FRMD4B: variants seen among roughly 807,000 people sequenced by gnomAD.
FRMD4B encodes FERM domain containing 4B.
Under a neutral mutation model 141.5 loss-of-function variants are expected in FRMD4B, and 74 were observed. The ratio of observed to expected loss-of-function variants is 0.52; its 90% CI spans 0.43 to 0.63. The LOEUF (loss-of-function observed/expected upper bound fraction) is 0.63. Ranked by LOEUF, FRMD4B falls within the 30% of genes least tolerant of loss-of-function variation. FRMD4B has a pLI of 0.00. For synonymous variants in FRMD4B, 506 were observed against 467.9 expected, an observed-to-expected ratio of 1.08 and a Z score of -1.05; for missense variants, 1,366 against 1,253.4, an observed-to-expected ratio of 1.09 and a Z score of -1.36.
intron 16 of FRMD4B, 129 bp downstream of exon 16, chr3:69,194,893 T>C (rs2092882471): frequency 1.0e-5 from 8 of 762,308 alleles, no homozygotes; most frequent in Non-Finnish European, 1.6e-5. Flanking sequence ...CAATTTGGTC[T>C]ACACGATCCA....
At chr3:69,238,007 C>T (rs921892370) in intron 7 of FRMD4B, among the ~76,000 whole-genome samples, 2 of 152,228 alleles carry the variant, frequency 1.3e-5, no homozygotes, top group African/African-American at 4.8e-5. Context: ...GCCAGGATTA[C>T]AGGCGTGAGC....
At chr3:69,418,612 G>A (rs1240705282) in intron 2 of FRMD4B, among the ~76,000 whole-genome samples, 1 of 152,204 alleles carries the variant, frequency 6.6e-6, no homozygotes, top group Non-Finnish European at 1.5e-5. Context: ...GGGGCCACAT[G>A]TCAGGGAACT....
chr3:69,245,236 G>C (rs1432109320), intron 7 of FRMD4B, among the ~76,000 whole-genome samples: 2 of 152,216 alleles, frequency 1.3e-5, no homozygotes, highest in East Asian at 3.9e-4. Context: ...GCTGGCATTT[G>C]AATCAGGCTG....
At chr3:69,201,154 T>C (rs1357768976) in intron 11 of FRMD4B, among the ~76,000 whole-genome samples, 4 of 127,696 alleles carry the variant, frequency 3.1e-5, no homozygotes, top group African/African-American at 1.2e-4. Flanking sequence ...CAGAGAGCAG[T>C]TCATTCCCCT....
intron 1 of FRMD4B, among the ~76,000 whole-genome samples, chr3:69,381,139 C>A (rs1357012872): frequency 1.3e-5 from 2 of 152,194 alleles, no homozygotes; most frequent in Non-Finnish European, 2.9e-5. Context: ...AGCCTCAATG[C>A]AGCCTGAGCC....
At chr3:69,397,485 A>G (rs897148716) in intron 2 of FRMD4B, among the ~76,000 whole-genome samples, 1 of 152,236 alleles carries the variant, frequency 6.6e-6, no homozygotes, top group East Asian at 1.9e-4. Context: ...GTATGTGAAT[A>G]AAAATCAATC....
rs1453115819 is a variant in FRMD4B, at chr3:69,195,116, T to A, written c.1394A>T (p.Glu465Val). ...CTTCTCGCCTATGTTCAGGGGATAC[T>A]CCTTTGGCATTTTGCCTGTGAGCTC... ...EAELTGKMPK[E>V]YPLNIGEKPP... is the part of the protein sequence containing the mutation. The change falls in exon 16 of 23, where the codon GAG becomes GTG. Residue 465 changes from glutamate (E) to valine (V), a missense_variant. Physicochemically the swap from Glu to Val is moderately radical, Grantham distance 121. Transcript: ENST00000398540. The A allele has an allele frequency of 7.4e-6, 12 of 1,613,844 alleles. No individual in the cohort carries two copies. Among genetic ancestry groups the A allele is most frequent in the Non-Finnish European group, 1.0e-5 (12 of 1,179,850 alleles).
chr3:69,202,249 T>C lies in FRMD4B; in HGVS notation c.877-3475A>G, dbSNP rs143409602. On this transcript the variant is annotated intron_variant, in intron 11 of 22. Coordinates refer to ENST00000398540, the MANE Select transcript of FRMD4B (RefSeq NM_015123.3). ...AGGGATTTCAGACCAATGGTCTGTA[T>C]TTGAGGAAAGAAATCAAAGTTTAAA... Among the ~76,000 whole-genome samples, 211 of 152,166 alleles carry C rather than the reference T, an allele frequency of 1.4e-3. 7 individuals carry two copies. The East Asian group carries it at 0.037, about 27-fold the overall frequency.
chr3:69,456,574 A>G (rs1381617181), intron 1 of FRMD4B, among the ~76,000 whole-genome samples: 1 of 152,098 alleles, frequency 6.6e-6, no homozygotes, highest in Admixed American at 6.5e-5. Context: ...AGCACTTACT[A>G]TGTTAATCGT....
intron 1 of FRMD4B, among the ~76,000 whole-genome samples, chr3:69,435,957 C>CA (rs1212508688): frequency 6.6e-6 from 1 of 152,010 alleles, no homozygotes; most frequent in Non-Finnish European, 1.5e-5. Context: ...ATTTATGGGC[C>CA]ATTTGTATAA....
intron 1 of FRMD4B, among the ~76,000 whole-genome samples, chr3:69,433,797 G>A (rs966526991): frequency 2.0e-5 from 3 of 152,152 alleles, no homozygotes; most frequent in African/African-American, 7.2e-5. Context: ...GGATAGTTAT[G>A]GTTTGGGTAG....
chr3:69,499,639 T>C (rs949988702), intron 1 of FRMD4B, among the ~76,000 whole-genome samples: 5 of 152,160 alleles, frequency 3.3e-5, no homozygotes, highest in Non-Finnish European at 7.4e-5. Flanking sequence ...TGGTGAGGAA[T>C]TCTCTCTACT....
rs997155394 is a variant in FRMD4B, at chr3:69,481,343, G to A, written c.-128-48582C>T. Among the ~76,000 whole-genome samples the A allele has an allele frequency of 5.3e-5, 8 of 152,094 alleles. No homozygotes were observed. In the East Asian group the frequency reaches 1.4e-3, roughly 26 times the overall value. The stretch of plus-strand genomic sequence containing the variant: ...CTGTAGACCGGAGCTGTTCCTATTC[G>A]GCCATCTTGGCACACTCCTCTTATA... On this transcript the variant is annotated intron_variant, in intron 1 of 5. Coordinates refer to the FRMD4B transcript ENST00000459638.
At chr3:69,187,451 A>C (rs2092780430) in intron 19 of FRMD4B, among the ~76,000 whole-genome samples, 1 of 150,970 alleles carries the variant, frequency 6.6e-6, no homozygotes, top group East Asian at 2.0e-4. Context: ...AGGCAGGAGA[A>C]TTGCTTGAAC....
chr3:69,292,325 G>A (rs1559783851), intron 4 of FRMD4B, among the ~76,000 whole-genome samples: 1 of 152,172 alleles, frequency 6.6e-6, no homozygotes, highest in African/African-American at 2.4e-5. Context: ...AAGGTAGGAA[G>A]GGCACTCAGG....
At chr3:69,529,568 C>A (rs928861486) in intron 1 of FRMD4B, among the ~76,000 whole-genome samples, 1 of 152,176 alleles carries the variant, frequency 6.6e-6, no homozygotes, top group African/African-American at 2.4e-5. Flanking sequence ...CTCTCCACAC[C>A]CATCCTCAAA....
chr3:69,512,016 C>T (rs1706697774), intron 1 of FRMD4B, among the ~76,000 whole-genome samples: 2 of 152,150 alleles, frequency 1.3e-5, no homozygotes, highest in South Asian at 4.1e-4. Flanking sequence ...ATGAACATTC[C>T]ACATACAGAA....
intron 1 of FRMD4B, among the ~76,000 whole-genome samples, chr3:69,479,370 T>C (rs369155085): frequency 2.0e-5 from 3 of 152,080 alleles, no homozygotes; most frequent in Non-Finnish European, 2.9e-5. Context: ...ATGTTTAGTG[T>C]TTCCTTCAGG....
chr3:69,480,651 G>A (rs1309913606), intron 1 of FRMD4B, among the ~76,000 whole-genome samples: 1 of 152,190 alleles, frequency 6.6e-6, no homozygotes, highest in East Asian at 1.9e-4. Flanking sequence ...CTGCTCAGGG[G>A]TCAGGGGTCA....
Sources: gnomAD v4.1 joint callset for allele counts (sites outside exome capture counted in the v4.1 genomes callset) on GRCh38, gnomAD v4.1.1 for gene constraint, MANE v1.5 for transcripts, NCBI Gene and HGNC (gene_info 2026-07-23, HGNC 2026-07-21) for gene names.